The following CFAP58 variants were observed in gnomAD, a reference collection of about 807,000 sequenced individuals.
CFAP58 encodes cilia- and flagella-associated protein 58.
CFAP58 carries 88 observed loss-of-function variants against 119.5 expected under a neutral mutation model. That is an observed-to-expected ratio of 0.74 (90% CI 0.62 to 0.88). CFAP58 has a LOEUF of 0.88. CFAP58 is among the 40% of genes least tolerant of loss of function. The pLI, the probability that CFAP58 is intolerant of heterozygous loss-of-function variation, is 0.00. For synonymous variants in CFAP58, 365 were observed against 366.3 expected, an observed-to-expected ratio of 1.00 and a Z score of 0.04; for missense variants, 990 against 1,021.2, an observed-to-expected ratio of 0.97 and a Z score of 0.42.
rs966580604 is a variant in CFAP58, at chr10:104,401,880, T to C, written c.2039+977T>C. Among the ~76,000 whole-genome samples the C allele has an allele frequency of 1.5e-4, 23 of 152,104 alleles. 1 individual carries two copies. Among genetic ancestry groups the C allele is most frequent in the African/African-American group, 5.3e-4 (22 of 41,422 alleles). On this transcript the variant is annotated intron_variant, in intron 13 of 17. Transcript: ENST00000369704. Reference sequence around the variant, plus strand: ...AGGGATTAGAAAATCACTCATAACTTTACTACCCAGAGATACCACCACTGA... The same window carrying C: ...AGGGATTAGAAAATCACTCATAACTCTACTACCCAGAGATACCACCACTGA...
chr10:104,441,255 G>T (rs1222040454), intron 15 of CFAP58, among the ~76,000 whole-genome samples: 1 of 152,036 alleles, frequency 6.6e-6, no homozygotes, highest in East Asian at 1.9e-4. Flanking sequence ...TGCCTGCATC[G>T]GCCTCCCAAA....
At chr10:104,433,332 T>C (rs753944680) in intron 15 of CFAP58, among the ~76,000 whole-genome samples, 1 of 152,196 alleles carries the variant, frequency 6.6e-6, no homozygotes, top group Non-Finnish European at 1.5e-5. Context: ...AAGAGATCCT[T>C]CCACCTTAGC....
intron 15 of CFAP58, among the ~76,000 whole-genome samples, chr10:104,431,309 A>G (rs2012843566): frequency 1.3e-5 from 2 of 152,248 alleles, no homozygotes; most frequent in Admixed American, 1.3e-4. Context: ...CATGTAAACA[A>G]GTAACTATAA....
chr10:104,368,675 A>G lies in CFAP58; in HGVS notation c.930+115A>G, dbSNP rs74154792. 5,979 of 1,078,788 alleles carry G rather than the reference A, an allele frequency of 5.5e-3. 237 individuals are homozygous for G. The African/African-American group carries it at 0.085, about 15-fold the overall frequency. The allele number at this position is 1,078,788 out of a possible 1,614,324, so 66.8% of individuals were successfully genotyped here. ...TGTTGGCTCTACTGAGTACATTGAC[A>G]CATCAGAGGCAGGTGCAAGCCTATA... is the stretch of plus-strand genomic sequence containing the variant. On this transcript the variant is annotated intron_variant, in intron 6 of 17. Coordinates refer to ENST00000369704, the MANE Select transcript of CFAP58 (RefSeq NM_001008723.2).
chr10:104,369,964 T>C (rs1300817555), intron 6 of CFAP58, among the ~76,000 whole-genome samples: 2 of 152,198 alleles, frequency 1.3e-5, no homozygotes, highest in South Asian at 2.1e-4. Context: ...AGGATTATTT[T>C]TGGGGACTGT....
intron 1 of CFAP58, among the ~76,000 whole-genome samples, chr10:104,357,757 T>C (rs952154936): frequency 5.9e-5 from 9 of 151,560 alleles, no homozygotes; most frequent in Non-Finnish European, 1.5e-5. Context: ...TATAAATGTA[T>C]AATGTGTATG....
intron 9 of CFAP58, chr10:104,382,118 C>G (rs1310075044): frequency 2.8e-6 from 2 of 717,386 alleles, no homozygotes; most frequent in Middle Eastern, 2.3e-4. Context: ...TTGTCCTCTT[C>G]TTTCCAGGCT....
At chr10:104,439,640 G>C (rs1222567591) in intron 15 of CFAP58, among the ~76,000 whole-genome samples, 3 of 152,070 alleles carry the variant, frequency 2.0e-5, no homozygotes, top group East Asian at 3.9e-4. Flanking sequence ...AGGAGGTCAG[G>C]GCTGCAATGA....
chr10:104,436,460 CT>C (rs1355523863), intron 15 of CFAP58, among the ~76,000 whole-genome samples: 1 of 152,130 alleles, frequency 6.6e-6, no homozygotes, highest in Non-Finnish European at 1.5e-5. Flanking sequence ...AAGCATGGCG[CT>C]GGCATCTGCT....
At chr10:104,382,462 G>A in intron 9 of CFAP58, 1 of 426,092 alleles carries the variant, frequency 2.3e-6, no homozygotes, top group South Asian at 3.5e-5. Flanking sequence ...ATTCCAGTGT[G>A]GTTTTATTAT....
At chr10:104,430,603 T>C (rs1407455864) in intron 15 of CFAP58, among the ~76,000 whole-genome samples, 1 of 152,184 alleles carries the variant, frequency 6.6e-6, no homozygotes, top group African/African-American at 2.4e-5. Context: ...CCTCATACTT[T>C]TTCATCTAGT....
In CFAP58 at chr10:104,447,758, G is replaced by A. The variant is rs2013132974; in HGVS notation, c.2317G>A (p.Ala773Thr). 1 of 1,614,036 alleles carries A rather than the reference G, an allele frequency of 6.2e-7. No homozygotes were observed. Among genetic ancestry groups the A allele is most frequent in the African/African-American group, 1.3e-5 (1 of 74,932 alleles). ...HVLARQPGPEAAEQLKLYRRT... is the reference protein window; with the variant it reads ...HVLARQPGPETAEQLKLYRRT... ...CTTGGCCCGCCAGCCTGGACCTGAG[G>A]CTGCGGAACAGCTGAAGCTGTACCG... is the stretch of plus-strand genomic sequence containing the variant. The change falls in exon 16 of 18, where the codon GCT becomes ACT. Residue 773 changes from alanine (A) to threonine (T), a missense_variant. Ala to Thr is a moderately conservative substitution (Grantham distance 58). Transcript: ENST00000369704.
intron 16 of CFAP58, among the ~76,000 whole-genome samples, chr10:104,449,165 T>G (rs945694532): frequency 1.3e-5 from 2 of 151,420 alleles, no homozygotes; most frequent in Non-Finnish European, 3.0e-5. Flanking sequence ...AGACAGGTTT[T>G]TTTTTTTTTT....
At chr10:104,445,801 A>G (rs934584411) in intron 15 of CFAP58, among the ~76,000 whole-genome samples, 5 of 152,154 alleles carry the variant, frequency 3.3e-5, no homozygotes, top group Admixed American at 2.0e-4. Flanking sequence ...TGAGGTGACA[A>G]TATTTTGTTT....
intron 10 of CFAP58, among the ~76,000 whole-genome samples, chr10:104,392,686 C>G (rs1272075262): frequency 8.3e-5 from 12 of 145,076 alleles, no homozygotes; most frequent in Non-Finnish European, 1.8e-4. Context: ...TGTCACCCAG[C>G]TGGAGTGCAG....
intron 11 of CFAP58, among the ~76,000 whole-genome samples, chr10:104,397,625 T>C (rs1442194008): frequency 2.0e-5 from 3 of 152,228 alleles, no homozygotes; most frequent in Non-Finnish European, 2.9e-5. Context: ...AAATATTGAC[T>C]TGAAGGAAAA....
intron 15 of CFAP58, among the ~76,000 whole-genome samples, chr10:104,411,772 T>TC (rs931753506): frequency 9.4e-5 from 14 of 149,200 alleles, no homozygotes; most frequent in African/African-American, 3.4e-4. Context: ...TTTTTTTTTT[T>TC]CCCCCACCCA....
chr10:104,413,634 T>C (rs2012495861), intron 15 of CFAP58, among the ~76,000 whole-genome samples: 1 of 152,174 alleles, frequency 6.6e-6, no homozygotes, highest in East Asian at 1.9e-4. Context: ...TTCTTTTTTC[T>C]TTAAAGGCAT....
intron 6 of CFAP58, 116 bp from the exon 7 acceptor site, chr10:104,370,779 A>G: frequency 1.1e-6 from 1 of 936,358 alleles, no homozygotes; most frequent in Non-Finnish European, 1.5e-6. Context: ...ATCTCACAGA[A>G]CAACTTTAAA....
Sources: allele counts gnomAD v4.1 joint callset (sites outside exome capture counted in the v4.1 genomes callset), GRCh38; gene constraint gnomAD v4.1.1; transcripts MANE v1.5; gene names NCBI Gene and HGNC (gene_info 2026-07-23, HGNC 2026-07-21).